TMEM163: variants seen among roughly 807,000 people sequenced by gnomAD.
The protein encoded by TMEM163 is transmembrane protein 163.
In TMEM163, 17 loss-of-function variants were observed where a neutral mutation model predicts 29.3. The ratio of observed to expected loss-of-function variants is 0.58; its 90% CI spans 0.40 to 0.87. The LOEUF is 0.87. Among genes scored for constraint, TMEM163 ranks in the 40% least tolerant of loss-of-function variants. TMEM163 has a pLI of 0.00. For synonymous variants in TMEM163, 157 were observed against 160.6 expected, an observed-to-expected ratio of 0.98 and a Z score of 0.17; for missense variants, 303 against 381.5, an observed-to-expected ratio of 0.79 and a Z score of 1.71.
Position 134,466,223 on chromosome 2 carries a change from G to A in TMEM163, c.558C>T (p.Asp186=), listed in dbSNP as rs765716827. 104 of 1,612,326 alleles carry A rather than the reference G, an allele frequency of 6.5e-5. No individual in the cohort carries two copies. Among genetic ancestry groups the A allele is most frequent in the Non-Finnish European group, 8.1e-5 (95 of 1,179,284 alleles). ...AAATGGAGACACTGAACAGGAAATC[G>A]TCCTGCAAGAGAAAGTTCCAGATTT... ...DLSTRLLPEV[D]DFLFSVSILS... The change falls in exon 6 of 8, where the codon GAC becomes GAT. Residue 186 remains aspartate, a splice_region_variant and synonymous_variant. Coordinates refer to ENST00000281924, the MANE Select transcript of TMEM163 (RefSeq NM_030923.5).
intron 4 of TMEM163, among the ~76,000 whole-genome samples, chr2:134,523,773 TAGTA>T (rs772425983): frequency 5.3e-4 from 80 of 152,250 alleles, no homozygotes; most frequent in Middle Eastern, 3.4e-3. Context: ...AACCCAGCCT[TAGTA>T]AGTAACACTA....
At chr2:134,503,164 T>C (rs1208024954) in intron 4 of TMEM163, among the ~76,000 whole-genome samples, 167 bp from the exon 5 acceptor site, 1 of 152,212 alleles carries the variant, frequency 6.6e-6, no homozygotes, top group Non-Finnish European at 1.5e-5. Context: ...AAGTCACCTC[T>C]AGGAGAATAC....
At chr2:134,661,532 T>G (rs1470012324) in intron 2 of TMEM163, among the ~76,000 whole-genome samples, 2 of 152,224 alleles carry the variant, frequency 1.3e-5, no homozygotes, top group African/African-American at 4.8e-5. Context: ...CAAGTCCAGA[T>G]GAAGATCGTG....
At chr2:134,533,683 A>G (rs1393502673) in intron 4 of TMEM163, among the ~76,000 whole-genome samples, 2 of 152,146 alleles carry the variant, frequency 1.3e-5, no homozygotes, top group Non-Finnish European at 2.9e-5. Context: ...AGCAGATCAC[A>G]TCACCCCAAG....
chr2:134,482,698 G>A (rs144988312), intron 5 of TMEM163, among the ~76,000 whole-genome samples: 10 of 152,252 alleles, frequency 6.6e-5, no homozygotes, highest in African/African-American at 9.6e-5. Context: ...AGGAAATTTC[G>A]CCAAGCCTGA....
chr2:134,533,909 C>CT (rs1436947079), intron 4 of TMEM163, among the ~76,000 whole-genome samples: 1 of 152,190 alleles, frequency 6.6e-6, no homozygotes, highest in Non-Finnish European at 1.5e-5. Context: ...CTCAAGTCTC[C>CT]TTTGTTGAAG....
chr2:134,531,116 T>A (rs1377319382), intron 4 of TMEM163, among the ~76,000 whole-genome samples: 1 of 152,194 alleles, frequency 6.6e-6, no homozygotes, highest in African/African-American at 2.4e-5. Context: ...CTGAAATATG[T>A]ACTGTGACTA....
chr2:134,672,142 T>A (rs969043117), intron 2 of TMEM163, among the ~76,000 whole-genome samples: 2 of 152,226 alleles, frequency 1.3e-5, no homozygotes, highest in Admixed American at 6.5e-5. Context: ...CTGTTGCTAT[T>A]TCTGCCTCAA....
intron 2 of TMEM163, among the ~76,000 whole-genome samples, chr2:134,648,461 A>C (rs183968809): frequency 6.6e-6 from 1 of 152,072 alleles, no homozygotes; most frequent in Non-Finnish European, 1.5e-5. Context: ...ATGCTCTCAC[A>C]GTGGGCCACA....
intron 2 of TMEM163, among the ~76,000 whole-genome samples, chr2:134,578,340 A>G (rs1681611568): frequency 6.6e-6 from 1 of 152,190 alleles, no homozygotes; most frequent in South Asian, 2.1e-4. Context: ...AAGCACCCAG[A>G]CACACCCAAC....
At chr2:134,643,775 T>A (rs1405702809) in intron 2 of TMEM163, among the ~76,000 whole-genome samples, 1 of 151,780 alleles carries the variant, frequency 6.6e-6, no homozygotes, top group Non-Finnish European at 1.5e-5. Context: ...AGTATAGTAA[T>A]GTAAGAAGAA....
At chr2:134,471,952 A>G (rs1028081543) in intron 5 of TMEM163, among the ~76,000 whole-genome samples, 1 of 152,232 alleles carries the variant, frequency 6.6e-6, no homozygotes, top group Non-Finnish European at 1.5e-5. Flanking sequence ...AAACAGCAAC[A>G]GCGATTTCCT....
chr2:134,625,181 GAA>G (rs1682820480), intron 2 of TMEM163, among the ~76,000 whole-genome samples: 1 of 152,026 alleles, frequency 6.6e-6, no homozygotes. Flanking sequence ...AATAGAGAAA[GAA>G]AAAGTTTGTG....
chr2:134,495,973 C>T (rs536596821), intron 5 of TMEM163, among the ~76,000 whole-genome samples: 5 of 152,266 alleles, frequency 3.3e-5, no homozygotes, highest in South Asian at 4.1e-4. Flanking sequence ...TGTTATAGAA[C>T]GGAGGACTCC....
chr2:134,637,858 T>C (rs987847572), intron 2 of TMEM163, among the ~76,000 whole-genome samples: 13 of 152,208 alleles, frequency 8.5e-5, no homozygotes, highest in African/African-American at 3.1e-4. Flanking sequence ...GATGATGTAT[T>C]TGGAAGTTTG....
At chr2:134,712,524 A>G (rs1406680036) in intron 2 of TMEM163, among the ~76,000 whole-genome samples, 6 of 152,170 alleles carry the variant, frequency 3.9e-5, no homozygotes, top group Non-Finnish European at 7.4e-5. Flanking sequence ...GACACTGCTT[A>G]GGCTTGTGAG....
At chr2:134,675,453 G>T (rs6430529) in intron 2 of TMEM163, among the ~76,000 whole-genome samples, 100,186 of 152,068 alleles carry the variant, frequency 0.66, 34,619 homozygotes, top group African/African-American at 0.83. Flanking sequence ...ACCATCTAAT[G>T]ACTAATCTCA....
intron 2 of TMEM163, among the ~76,000 whole-genome samples, chr2:134,711,535 G>A (rs1292671717): frequency 6.6e-6 from 1 of 152,192 alleles, no homozygotes; most frequent in Non-Finnish European, 1.5e-5. Context: ...CAATGAAGGT[G>A]TAAAATCATT....
intron 2 of TMEM163, among the ~76,000 whole-genome samples, chr2:134,693,608 C>CAAAAAAAAAAAAAA (rs35183610): frequency 1.5e-5 from 1 of 66,632 alleles, no homozygotes; most frequent in African/African-American, 3.7e-5. Context: ...AAAACTACAT[C>CAAAAAAAAAAAAAA]AAAAAAAAAA....
Sources: gnomAD v4.1 joint callset for allele counts (sites outside exome capture counted in the v4.1 genomes callset) on GRCh38, gnomAD v4.1.1 for gene constraint, MANE v1.5 for transcripts, NCBI Gene and HGNC (gene_info 2026-07-23, HGNC 2026-07-21) for gene names.